The following DAPK1 variants were observed in gnomAD, a reference collection of about 807,000 sequenced individuals.
The protein encoded by DAPK1 is death-associated protein kinase 1.
In DAPK1, 56 loss-of-function variants were observed where a neutral mutation model predicts 144.9. That is an observed-to-expected ratio of 0.39 (90% confidence interval 0.31 to 0.48). DAPK1 has a LOEUF of 0.48. Among genes scored for constraint, DAPK1 ranks in the 20% least tolerant of loss-of-function variants. The probability of loss-of-function intolerance (pLI) is 0.95; values close to 1 mark genes in which losing one functional copy is unlikely to be tolerated. For synonymous variants in DAPK1, 690 were observed against 749.0 expected (o/e 0.92, Z 1.29); for missense variants, 1,454 against 1,875.4 (o/e 0.78, Z 4.15).
At chr9:87,549,078 C>T (rs997961361) in intron 2 of DAPK1, among the ~76,000 whole-genome samples, 4 of 152,068 alleles carry the variant, frequency 2.6e-5, no homozygotes, top group African/African-American at 9.7e-5. Context: ...AGCTATTCTT[C>T]CTGATGCTCT....
chr9:87,618,475 C>T (rs1030132988), intron 3 of DAPK1, among the ~76,000 whole-genome samples: 1 of 152,046 alleles, frequency 6.6e-6, no homozygotes, highest in Admixed American at 6.5e-5. Context: ...TGAAAACTTA[C>T]ACATGAAAGT....
chr9:87,630,319 T>A (rs559098004), intron 3 of DAPK1, among the ~76,000 whole-genome samples: 30 of 152,358 alleles, frequency 2.0e-4, no homozygotes, highest in African/African-American at 7.2e-4. Context: ...TTAAATAGTT[T>A]TATTATTTAA....
At chr9:87,644,543 A>G (rs1048960464) in intron 11 of DAPK1, among the ~76,000 whole-genome samples, 8 of 151,412 alleles carry the variant, frequency 5.3e-5, no homozygotes, top group East Asian at 1.9e-4. Context: ...GAGATGTTTG[A>G]AAAAAAAAGC....
chr9:87,677,711 G>A (rs925068117), intron 19 of DAPK1, among the ~76,000 whole-genome samples: 1 of 152,188 alleles, frequency 6.6e-6, no homozygotes, highest in Non-Finnish European at 1.5e-5. Context: ...CATCTACCCT[G>A]TGGGATGCTC....
At chr9:87,515,134 C>G (rs571751034) in intron 2 of DAPK1, among the ~76,000 whole-genome samples, 1 of 152,308 alleles carries the variant, frequency 6.6e-6, no homozygotes, top group African/African-American at 2.4e-5. Flanking sequence ...TCAAACTAGC[C>G]TCTTATGGGG....
intron 21 of DAPK1, among the ~76,000 whole-genome samples, chr9:87,695,369 A>C (rs570889019): frequency 6.6e-6 from 1 of 152,316 alleles, no homozygotes; most frequent in African/African-American, 2.4e-5. Context: ...GAGCCTTCAA[A>C]TCCTGTAATG....
intron 2 of DAPK1, chr9:87,506,789 T>C (rs1038257807): frequency 6.6e-6 from 1 of 152,242 alleles, no homozygotes; most frequent in Non-Finnish European, 1.5e-5. Flanking sequence ...TGACTTTGGG[T>C]ACATTCTATT....
intron 3 of DAPK1, among the ~76,000 whole-genome samples, chr9:87,635,452 G>A (rs1030375528): frequency 1.3e-5 from 2 of 152,156 alleles, no homozygotes; most frequent in Non-Finnish European, 1.5e-5. Flanking sequence ...GCCGGCGGCT[G>A]GGCACCACAT....
At chr9:87,608,860 C>G (rs1828824529) in intron 3 of DAPK1, among the ~76,000 whole-genome samples, 1 of 152,180 alleles carries the variant, frequency 6.6e-6, no homozygotes. Context: ...TAGGAGCTGA[C>G]TATTTTTGCC....
chr9:87,548,913 C>CTTTTTTTTT (rs11291160), intron 2 of DAPK1, among the ~76,000 whole-genome samples: 6 of 63,844 alleles, frequency 9.4e-5, no homozygotes, highest in Non-Finnish European at 1.3e-4. Flanking sequence ...GATTTCATTC[C>CTTTTTTTTT]TTTTTTTTTT....
At chr9:87,636,590 T>C (rs1321642052) in intron 3 of DAPK1, among the ~76,000 whole-genome samples, 1 of 152,208 alleles carries the variant, frequency 6.6e-6, no homozygotes, top group African/African-American at 2.4e-5. Flanking sequence ...AGGAAAACAC[T>C]GACCTGGAGG....
intron 3 of DAPK1, among the ~76,000 whole-genome samples, chr9:87,618,433 G>C (rs1829174860): frequency 6.6e-6 from 1 of 152,188 alleles, no homozygotes; most frequent in Non-Finnish European, 1.5e-5. Flanking sequence ...TCCTCAGACT[G>C]TACCCAAGAG....
intron 2 of DAPK1, among the ~76,000 whole-genome samples, chr9:87,596,669 CCTGTGAGGCTGCTTGT>C (rs1298042451): frequency 6.6e-6 from 1 of 152,204 alleles, no homozygotes; most frequent in Non-Finnish European, 1.5e-5. Context: ...CCCATGCTCT[CCTGTGAGGCTGCTTGT>C]GACCTAGTCA....
chr9:87,558,440 A>G (rs1826794214), intron 2 of DAPK1, among the ~76,000 whole-genome samples: 2 of 152,188 alleles, frequency 1.3e-5, no homozygotes, highest in African/African-American at 4.8e-5. Context: ...CTTTGCAACT[A>G]AAAATCTTCC....
intron 19 of DAPK1, among the ~76,000 whole-genome samples, chr9:87,671,364 T>C (rs1325478135): frequency 6.6e-6 from 1 of 151,554 alleles, no homozygotes; most frequent in African/African-American, 2.4e-5. Context: ...AAATACAAAA[T>C]ACAAAAATAT....
chr9:87,562,308 G>A (rs1826959350), intron 2 of DAPK1, among the ~76,000 whole-genome samples: 1 of 152,198 alleles, frequency 6.6e-6, no homozygotes, highest in Non-Finnish European at 1.5e-5. Context: ...TTGGAGCCTT[G>A]TCCTCCTGTG....
intron 20 of DAPK1, among the ~76,000 whole-genome samples, chr9:87,682,048 C>T (rs1488125571): frequency 6.6e-6 from 1 of 152,140 alleles, no homozygotes. Context: ...GGGTCCTCAA[C>T]CCTTATCCTT....
chr9:87,668,738 T>A, intron 19 of DAPK1, 64 bp downstream of exon 19: 1 of 878,772 alleles, frequency 1.1e-6, no homozygotes, highest in Non-Finnish European at 2.0e-6. Context: ...GTCTCAGTCT[T>A]TTTCCTTATT....
chr9:87,540,774 G>A (rs376770453), intron 2 of DAPK1, among the ~76,000 whole-genome samples: 82 of 152,252 alleles, frequency 5.4e-4, no homozygotes, highest in Non-Finnish European at 7.2e-4. Flanking sequence ...ATACCACAGC[G>A]TAGTTGCTCA....
Sources: gnomAD v4.1 joint callset for allele counts (sites outside exome capture counted in the v4.1 genomes callset) on GRCh38, gnomAD v4.1.1 for gene constraint, MANE v1.5 for transcripts, NCBI Gene and HGNC (gene_info 2026-07-23, HGNC 2026-07-21) for gene names.